Variants in GALNTL6 observed in about 807,000 individuals in gnomAD.
The protein encoded by GALNTL6 is polypeptide N-acetylgalactosaminyltransferase like 6, also known as polypeptide N-acetylgalactosaminyltransferase-like 6.
GALNTL6 carries 46 observed loss-of-function variants against 73.7 expected under a neutral mutation model. That is an observed-to-expected ratio of 0.62 (90% CI 0.49 to 0.80). The LOEUF is 0.80. Among genes scored for constraint, GALNTL6 ranks in the 30% least tolerant of loss-of-function variants. The probability of loss-of-function intolerance (pLI) is 0.00; values close to 1 mark genes in which losing one functional copy is unlikely to be tolerated. For missense variants in GALNTL6, 604 were observed against 755.0 expected, an observed-to-expected ratio of 0.80 and a Z score of 2.34; for synonymous variants, 259 against 263.7, an observed-to-expected ratio of 0.98 and a Z score of 0.17.
At chr4:172,991,577 G>GT (rs200535247) in intron 10 of GALNTL6, among the ~76,000 whole-genome samples, 2,915 of 146,058 alleles carry the variant, frequency 0.02, 94 homozygotes, top group Admixed American at 0.099. Context: ...TTTTTGTGTT[G>GT]TTTTTTTTTT....
chr4:172,580,232 A>G (rs1049589311), intron 5 of GALNTL6, among the ~76,000 whole-genome samples: 2 of 152,204 alleles, frequency 1.3e-5, no homozygotes, highest in African/African-American at 4.8e-5. Context: ...AATCAGCCCC[A>G]CAAAGACTAT....
intron 2 of GALNTL6, among the ~76,000 whole-genome samples, chr4:172,040,747 G>A (rs761823620): frequency 1.3e-5 from 2 of 152,048 alleles, no homozygotes; most frequent in Admixed American, 1.3e-4. Flanking sequence ...CAAACTGGAA[G>A]AGCCAGGATT....
chr4:172,572,164 C>T (rs918555244), intron 5 of GALNTL6, among the ~76,000 whole-genome samples: 2 of 152,184 alleles, frequency 1.3e-5, no homozygotes, highest in Admixed American at 6.5e-5. Flanking sequence ...ACAGTCTGTG[C>T]TCTCTGTACA....
At chr4:171,844,796 C>T (rs556813352) in intron 2 of GALNTL6, among the ~76,000 whole-genome samples, 10 of 152,178 alleles carry the variant, frequency 6.6e-5, no homozygotes, top group African/African-American at 1.7e-4. Context: ...CCAGGAGGGG[C>T]GCTTTGTAAA....
intron 5 of GALNTL6, among the ~76,000 whole-genome samples, chr4:172,377,358 G>A (rs1395693201): frequency 3.9e-5 from 6 of 152,130 alleles, no homozygotes; most frequent in Non-Finnish European, 7.4e-5. Context: ...GTGCTGATTG[G>A]TGTGTTTACA....
At chr4:172,066,364 A>G (rs1731364780) in intron 2 of GALNTL6, among the ~76,000 whole-genome samples, 1 of 151,942 alleles carries the variant, frequency 6.6e-6, no homozygotes, top group Admixed American at 6.6e-5. Context: ...ACTTTTTCAG[A>G]TTGCCTTCTT....
At chr4:172,142,763 GT>G (rs1020052907) in intron 2 of GALNTL6, among the ~76,000 whole-genome samples, 2 of 151,576 alleles carry the variant, frequency 1.3e-5, no homozygotes, top group African/African-American at 4.8e-5. Flanking sequence ...CAAAATAAAG[GT>G]TACAATGAGT....
chr4:172,594,715 A>C (rs1170756821), intron 5 of GALNTL6, among the ~76,000 whole-genome samples: 2 of 152,190 alleles, frequency 1.3e-5, no homozygotes, highest in South Asian at 4.1e-4. Context: ...ATCTCAACAC[A>C]TACTTATTTT....
chr4:173,020,014 C>T (rs1403601569), intron 11 of GALNTL6, among the ~76,000 whole-genome samples: 1 of 152,184 alleles, frequency 6.6e-6, no homozygotes, highest in East Asian at 1.9e-4. Context: ...TCCCTGACAG[C>T]TCTTTTTTAT....
At chr4:172,715,540 T>C (rs373359308) in intron 5 of GALNTL6, among the ~76,000 whole-genome samples, 7 of 152,200 alleles carry the variant, frequency 4.6e-5, no homozygotes, top group African/African-American at 1.7e-4. Context: ...GTGGTATTCT[T>C]ATCACTGCTA....
rs116974270 is a variant in GALNTL6 at position 172,359,789 on chromosome 4, C to T, written c.553+11100C>T. ...GAATACAGGCACCAATCAGCCTATC[C>T]ATCTACCCACTGACTAAAGCACTTC... On this transcript the variant is annotated intron_variant, in intron 5 of 12. Coordinates refer to ENST00000506823, the MANE Select transcript of GALNTL6 (RefSeq NM_001034845.3). Among the ~76,000 whole-genome samples, 167 of 152,198 alleles carry T rather than the reference C, an allele frequency of 1.1e-3. 2 individuals carry two copies. The East Asian group carries it at 0.025, about 23-fold the overall frequency.
chr4:172,080,742 T>C (rs1218286998), intron 2 of GALNTL6, among the ~76,000 whole-genome samples: 2 of 151,850 alleles, frequency 1.3e-5, no homozygotes, highest in East Asian at 3.9e-4. Flanking sequence ...TCAGAGTCAT[T>C]AATATAAGTC....
intron 3 of GALNTL6, among the ~76,000 whole-genome samples, chr4:172,266,507 T>C (rs1028022335): frequency 3.3e-5 from 5 of 152,132 alleles, no homozygotes; most frequent in Non-Finnish European, 5.9e-5. Context: ...TATAACTAGG[T>C]TAAATAATTC....
At chr4:171,926,022 CAT>C (rs1402148883) in intron 2 of GALNTL6, among the ~76,000 whole-genome samples, 3 of 151,998 alleles carry the variant, frequency 2.0e-5, no homozygotes, top group Non-Finnish European at 2.9e-5. Flanking sequence ...TACTGACACA[CAT>C]GTGCACATAA....
At chr4:172,255,179 T>C (rs1738028682) in intron 3 of GALNTL6, among the ~76,000 whole-genome samples, 1 of 151,692 alleles carries the variant, frequency 6.6e-6, no homozygotes, top group Non-Finnish European at 1.5e-5. Flanking sequence ...ACAATTATGC[T>C]ATCTCTGACA....
At chr4:172,286,015 A>T (rs746427657) in intron 3 of GALNTL6, among the ~76,000 whole-genome samples, 3 of 152,216 alleles carry the variant, frequency 2.0e-5, no homozygotes, top group Non-Finnish European at 2.9e-5. Flanking sequence ...CAGGAACTAC[A>T]TGTGATGCCA....
intron 5 of GALNTL6, among the ~76,000 whole-genome samples, chr4:172,459,796 T>C (rs1255825359): frequency 6.6e-6 from 1 of 152,154 alleles, no homozygotes; most frequent in Non-Finnish European, 1.5e-5. Flanking sequence ...CCCAATGTAA[T>C]TTATAGATTC....
At chr4:172,286,751 G>A (rs1476911072) in intron 3 of GALNTL6, among the ~76,000 whole-genome samples, 2 of 152,194 alleles carry the variant, frequency 1.3e-5, no homozygotes, top group African/African-American at 4.8e-5. Context: ...CCACTGAAGA[G>A]ACTCTGACAG....
intron 7 of GALNTL6, among the ~76,000 whole-genome samples, chr4:172,879,197 C>T (rs527988253): frequency 1.3e-5 from 2 of 151,954 alleles, no homozygotes; most frequent in South Asian, 4.1e-4. Context: ...CAATACCCCT[C>T]TTTCAGTAAT....
Sources: gnomAD v4.1 joint callset for allele counts (sites outside exome capture counted in the v4.1 genomes callset) on GRCh38, gnomAD v4.1.1 for gene constraint, MANE v1.5 for transcripts, NCBI Gene and HGNC (gene_info 2026-07-23, HGNC 2026-07-21) for gene names.